TMEM130: variants seen among roughly 807,000 people sequenced by gnomAD.
TMEM130 encodes transmembrane protein 130.
In TMEM130, 37 loss-of-function variants were observed where a neutral mutation model predicts 42.9. The observed-to-expected ratio is 0.86, with a 90% CI of 0.66 to 1.13. The LOEUF (loss-of-function observed/expected upper bound fraction) is 1.13, where lower values mean the gene tolerates loss of function less well. Ranked by LOEUF, TMEM130 falls within the 50% of genes most tolerant of loss-of-function variation. TMEM130 has a pLI of 0.00. For synonymous variants in TMEM130, 259 were observed against 237.7 expected (o/e 1.09, Z -0.82); for missense variants, 545 against 562.6 (o/e 0.97, Z 0.32).
At chr7:98,850,275 T>TATATATATA (rs1562904822) in intron 6 of TMEM130, among the ~76,000 whole-genome samples, 1 of 52,912 alleles carries the variant, frequency 1.9e-5, no homozygotes, top group Non-Finnish European at 6.2e-5. Flanking sequence ...ATATATATAT[T>TATATATATA]TTTTTTTTTT....
intron 5 of TMEM130, among the ~76,000 whole-genome samples, chr7:98,852,601 T>G (rs1157666938): frequency 6.6e-6 from 1 of 151,226 alleles, no homozygotes. Context: ...TTTTTGTTTT[T>G]GTGGGGTTTT....
chr7:98,850,453 T>C (rs1794474084), intron 6 of TMEM130, among the ~76,000 whole-genome samples: 1 of 151,024 alleles, frequency 6.6e-6, no homozygotes, highest in Non-Finnish European at 1.5e-5. Context: ...AACTTTTTGG[T>C]ATTTTTAGTA....
intron 4 of TMEM130, 120 bp from the exon 5 acceptor site, chr7:98,855,444 G>C: frequency 2.3e-6 from 2 of 881,336 alleles, no homozygotes; most frequent in Non-Finnish European, 3.4e-6. Flanking sequence ...CTAAGAGCAG[G>C]CCACAGGTCT....
Position 98,869,675 on chromosome 7 carries a change from C to T in TMEM130, c.85+102G>A, listed in dbSNP as rs1344281714. 1.1e-6 allele frequency: 1 copy of T among 869,912 alleles called. No homozygotes were observed. The highest frequency in any genetic ancestry group is 3.4e-5 in the East Asian group (1 of 29,794). 53.9% of individuals were successfully genotyped at this position (869,912 alleles called of 1,614,324 possible). On this transcript the variant is annotated intron_variant, in intron 1 of 7. Coordinates refer to ENST00000339375, the MANE Select transcript of TMEM130 (RefSeq NM_152913.3). The surrounding 1 kb of genome is among the most constrained non-coding windows in gnomAD (Gnocchi z 4.7). ...GAGATGCGCGCAGGGCGCACGGTGC[C>T]ACCTCCGCAATCCCTGCTCCCGGGC...
In TMEM130 at chr7:98,856,292, A is replaced by G. The variant is rs1436274961; in HGVS notation, c.552-109T>C. 1.7e-5 allele frequency: 18 copies of G among 1,085,150 alleles called. No homozygotes were observed. In the Admixed American group the frequency reaches 2.4e-4, roughly 14 times the overall value. 67.2% of individuals were successfully genotyped at this position (1,085,150 alleles called of 1,614,324 possible). A position where few individuals can be genotyped will look rare whatever the true frequency, so the allele number is the denominator to read the frequency against. The stretch of plus-strand genomic sequence containing the variant: ...TTGCCAGAGTCAGGGGAGGCTGTAC[A>G]GTGATACTCCCAGCTACCAGTGAGC... On this transcript the variant is annotated intron_variant, in intron 3 of 7. Coordinates refer to ENST00000339375, the MANE Select transcript of TMEM130 (RefSeq NM_152913.3).
Position 98,847,216 on chromosome 7 carries a change from GT to G in TMEM130, c.*839del, listed in dbSNP as rs1196906947. Reference sequence around the variant, plus strand: ...TCCTCAGTGAAAGTTTCACAGATGGGTTTCGATAAAATAAGGTGATATTTAT... The same window carrying G: ...TCCTCAGTGAAAGTTTCACAGATGGGTTCGATAAAATAAGGTGATATTTAT... On this transcript the variant is annotated 3_prime_UTR_variant, in exon 8 of 8. Transcript: ENST00000339375. The G allele has an allele frequency of 6.6e-6, 1 of 152,226 alleles. No homozygotes were observed. Among genetic ancestry groups the G allele is most frequent in the Non-Finnish European group, 1.5e-5 (1 of 68,086 alleles). 9.4% of individuals were successfully genotyped at this position (152,226 alleles called of 1,614,324 possible). A position where few individuals can be genotyped will look rare whatever the true frequency, so the allele number is the denominator to read the frequency against.
Position 98,865,800 on chromosome 7 carries a change from G to C in TMEM130, c.86-2400C>G, listed in dbSNP as rs1213952049. 5 of 153,052 alleles carry C rather than the reference G, an allele frequency of 3.3e-5. No homozygotes were observed. In the Admixed American group the frequency reaches 3.3e-4, roughly 10 times the overall value. The allele number at this position is 153,052 out of a possible 1,614,324, so 9.5% of individuals were successfully genotyped here. A position where few individuals can be genotyped will look rare whatever the true frequency, so the allele number is the denominator to read the frequency against. On this transcript the variant is annotated intron_variant, in intron 1 of 7. Transcript: ENST00000339375. ...CCCGTTAGCTGCCCACGTCCCACCT[G>C]TCCCTCAACAAGTCTCCAATCTGGG...
intron 1 of TMEM130, among the ~76,000 whole-genome samples, chr7:98,868,290 G>A (rs569840569): frequency 6.6e-6 from 1 of 152,286 alleles, no homozygotes; most frequent in South Asian, 2.1e-4. Flanking sequence ...GGGGTATGGA[G>A]CAGCCAAGGC....
In TMEM130 at chr7:98,869,467, G is replaced by A; in HGVS notation, c.85+310C>T. On this transcript the variant is annotated intron_variant, in intron 1 of 7. Coordinates refer to ENST00000339375, the MANE Select transcript of TMEM130 (RefSeq NM_152913.3). The surrounding 1 kb of genome is among the most constrained non-coding windows in gnomAD (Gnocchi z 4.7). The stretch of plus-strand genomic sequence containing the variant: ...TCCTCCCCTCCCTTAGCGGGTGCAT[G>A]GTCCCCAGGCATCGACGGATGCGCC... The A allele has an allele frequency of 2.3e-6, 2 of 876,650 alleles. No homozygotes were observed. The highest frequency in any genetic ancestry group is 2.7e-6 in the Non-Finnish European group (2 of 730,418). 54.3% of individuals were successfully genotyped at this position (876,650 alleles called of 1,614,324 possible). A position where few individuals can be genotyped will look rare whatever the true frequency, so the allele number is the denominator to read the frequency against.
At chr7:98,859,564 A>C (rs1794707908) in intron 3 of TMEM130, among the ~76,000 whole-genome samples, 2 of 152,050 alleles carry the variant, frequency 1.3e-5, no homozygotes, top group Non-Finnish European at 2.9e-5. Flanking sequence ...GAAAGGAGAC[A>C]GGGTGAGCAG....
Position 98,869,407 on chromosome 7 carries a change from G to A in TMEM130, c.85+370C>T, listed in dbSNP as rs1554401047. ...GGGGACTGGGGAATTGTGGCGCGATGACGGACCCTGGCGCATCCCCGCCTC... is the reference window on the plus strand; with the variant it reads ...GGGGACTGGGGAATTGTGGCGCGATAACGGACCCTGGCGCATCCCCGCCTC... On this transcript the variant is annotated intron_variant, in intron 1 of 7. Transcript: ENST00000339375. The surrounding 1 kb of genome is among the most constrained non-coding windows in gnomAD (Gnocchi z 4.7). 3 of 1,204,434 alleles carry A rather than the reference G, an allele frequency of 2.5e-6. No homozygotes were observed. The highest frequency in any genetic ancestry group is 3.1e-6 in the Non-Finnish European group (3 of 957,032). 74.6% of individuals were successfully genotyped at this position (1,204,434 alleles called of 1,614,324 possible).
At chr7:98,856,223 AC>A (rs1554399004) in intron 3 of TMEM130, 40 bp from the exon 4 acceptor site, 1 of 1,595,838 alleles carries the variant, frequency 6.3e-7, no homozygotes, top group East Asian at 2.2e-5. Context: ...AAGACAGCAG[AC>A]GGTTGCTTCC....
At position 98,856,185 on chromosome 7, in the gene TMEM130, TG is replaced by T. The variant is rs781938108; in HGVS notation, c.552-3del. 1.9e-6 allele frequency: 3 copies of T among 1,613,126 alleles called. No individual in the cohort carries two copies. The Admixed American group carries it at 5.0e-5, about 27-fold the overall frequency. On this transcript the variant is annotated splice_region_variant and splice_polypyrimidine_tract_variant and intron_variant, in intron 3 of 7. Coordinates refer to ENST00000339375, the MANE Select transcript of TMEM130 (RefSeq NM_152913.3). ...GAGTCTTCAGTCACCATCTGGGTCC[TG>T]TTAGGAGACAGGGAGGAGAGAGGAG...
At chr7:98,850,782 T>C (rs1794482072) in intron 6 of TMEM130, among the ~76,000 whole-genome samples, 3 of 152,076 alleles carry the variant, frequency 2.0e-5, no homozygotes, top group Admixed American at 2.0e-4. Flanking sequence ...GAGTTACTGT[T>C]GGGGATGCTG....
intron 3 of TMEM130, among the ~76,000 whole-genome samples, chr7:98,856,478 CAGA>C (rs1404727745): frequency 2.0e-5 from 3 of 152,200 alleles, no homozygotes; most frequent in Non-Finnish European, 4.4e-5. Flanking sequence ...GTGGTGAAGA[CAGA>C]AGAATTTTTT....
chr7:98,867,883 G>A (rs1794944701), intron 1 of TMEM130, among the ~76,000 whole-genome samples: 3 of 152,192 alleles, frequency 2.0e-5, no homozygotes, highest in Admixed American at 6.5e-5. Context: ...GGAAGCCTTT[G>A]CCAAATGTGG....
chr7:98,855,267 A>G lies in TMEM130; in HGVS notation c.776T>C (p.Met259Thr). ...CCCCAGGAAGTTCAAGGTCACGGTC[A>G]TCTTTTGGAAGGTCTGAATTAGGGT... ...GPTLIQTFQK[M>T]TVTLNFLGSP... Residue 259 changes from methionine to threonine, a missense_variant, in exon 5 of 8, where the codon ATG becomes ACG. Met to Thr is a moderately conservative substitution (Grantham distance 81). Transcript: ENST00000339375. The G allele has an allele frequency of 1.9e-6, 3 of 1,613,614 alleles. No individual in the cohort carries two copies. Among genetic ancestry groups the G allele is most frequent in the Non-Finnish European group, 2.5e-6 (3 of 1,179,724 alleles).
chr7:98,856,373 T>G (rs1421990493), intron 3 of TMEM130, among the ~76,000 whole-genome samples, 190 bp from the exon 4 acceptor site: 1 of 152,210 alleles, frequency 6.6e-6, no homozygotes, highest in Non-Finnish European at 1.5e-5. Flanking sequence ...TGGCCCATTT[T>G]CCAGATGAGC....
In TMEM130 at chr7:98,851,608, C is replaced by G. The variant is rs372577108; in HGVS notation, c.819G>C (p.Val273=). 2.2e-5 allele frequency: 35 copies of G among 1,612,622 alleles called. No homozygotes were observed. The highest frequency in any genetic ancestry group is 2.8e-5 in the Non-Finnish European group (33 of 1,179,182). Residue 273 remains valine (V), a synonymous_variant, in exon 6 of 8, where the codon GTG becomes GTC. Coordinates refer to ENST00000339375, the MANE Select transcript of TMEM130 (RefSeq NM_152913.3). ...LNFLGSPPLT[V]CWRLKPECLP... is the part of the protein sequence containing the mutation. ...GGCACTCAGGCTTGAGACGCCAGCA[C>G]ACAGTCAGAGGAGGGCTGCAGGGAA...
Sources: gnomAD v4.1 joint callset for allele counts (sites outside exome capture counted in the v4.1 genomes callset) on GRCh38, gnomAD v4.1.1 for gene constraint, Gnocchi (gnomAD v3.1) non-coding constraint, MANE v1.5 for transcripts, NCBI Gene and HGNC (gene_info 2026-07-23, HGNC 2026-07-21) for gene names.